Variants in SH3RF3 observed in about 807,000 individuals in gnomAD.
SH3RF3 encodes the protein SH3 domain containing ring finger 3, also known as E3 ubiquitin-protein ligase SH3RF3.
SH3RF3 carries 29 observed loss-of-function variants against 66.3 expected under a neutral mutation model. The ratio of observed to expected loss-of-function variants is 0.44; its 90% CI spans 0.33 to 0.60. SH3RF3 has a LOEUF of 0.60. SH3RF3 is among the 20% of genes least tolerant of loss of function. The pLI is 0.04. For synonymous variants in SH3RF3, 583 were observed against 532.0 expected, an observed-to-expected ratio of 1.10 and a Z score of -1.32; for missense variants, 1,194 against 1,190.9, an observed-to-expected ratio of 1.00 and a Z score of -0.04.
At position 109,402,397 on chromosome 2, in the gene SH3RF3, C is replaced by T. The variant is rs572344206; in HGVS notation, c.1299+3454C>T. Among the ~76,000 whole-genome samples the T allele has an allele frequency of 5.3e-4, 81 of 152,372 alleles. 1 individual carries two copies. In the South Asian group the frequency reaches 0.016, roughly 30 times the overall value. ...ATTCTGTGGTCAGTGGGTGGCACTT[C>T]GGCTTTGATCATCGGCTTGGAGAAA... On this transcript the variant is annotated intron_variant, in intron 4 of 9. Transcript: ENST00000309415.
Position 109,357,778 on chromosome 2 carries a change from C to T in SH3RF3, c.849+9829C>T, listed in dbSNP as rs188234294. ...AAAATAGGTGTTATATTTTTAGAGC[C>T]GTTGTAAGTTCACAGCAAAATTGAG... On this transcript the variant is annotated intron_variant, in intron 2 of 9. Coordinates refer to ENST00000309415, the MANE Select transcript of SH3RF3 (RefSeq NM_001099289.3). 1.5e-3 allele frequency among the ~76,000 whole-genome samples: 233 copies of T among 152,192 alleles called. 3 individuals carry two copies. Among genetic ancestry groups the T allele is most frequent in the African/African-American group, 5.4e-3 (225 of 41,500 alleles).
intron 1 of SH3RF3, among the ~76,000 whole-genome samples, chr2:109,157,278 G>T (rs529607573): frequency 6.6e-6 from 1 of 152,174 alleles, no homozygotes; most frequent in Non-Finnish European, 1.5e-5. Context: ...CAGAGAGCCC[G>T]CATTCCTGTC....
rs150870912 is a variant in SH3RF3 at position 109,501,715 on chromosome 2, C to T, written c.*44C>T. On this transcript the variant is annotated 3_prime_UTR_variant, in exon 10 of 10. Coordinates refer to ENST00000309415, the MANE Select transcript of SH3RF3 (RefSeq NM_001099289.3). ...CCCAGCTCACAGAGGGGGAGGCCGC[C>T]TGGGAAGCTCCACGGCACACAGAGA... 1,186 of 717,252 alleles carry T rather than the reference C, an allele frequency of 1.7e-3. 13 individuals are homozygous for T. The African/African-American group carries it at 0.018, about 11-fold the overall frequency. The allele number at this position is 717,252 out of a possible 1,614,324, so 44.4% of individuals were successfully genotyped here.
rs367691678 is a variant in SH3RF3 at position 109,371,551 on chromosome 2, G to A, written c.850-35G>A. The A allele has an allele frequency of 1.6e-4, 254 of 1,576,520 alleles. No individual in the cohort carries two copies. In the African/African-American group the frequency reaches 2.0e-3, roughly 12 times the overall value. On this transcript the variant is annotated intron_variant, in intron 2 of 9. Transcript: ENST00000309415. ...TTCCTTTTTCATTGTGTGTGTGTCC[G>A]TATGCTTGTGTCCACGGTGGACCCG...
intron 1 of SH3RF3, among the ~76,000 whole-genome samples, chr2:109,340,614 G>A (rs1009863701): frequency 1.3e-4 from 20 of 152,246 alleles, no homozygotes; most frequent in East Asian, 1.9e-4. Flanking sequence ...TCCTGGCCCC[G>A]GCACCCAGGG....
intron 1 of SH3RF3, among the ~76,000 whole-genome samples, chr2:109,189,863 A>G (rs1346021540): frequency 1.3e-5 from 2 of 152,196 alleles, no homozygotes; most frequent in African/African-American, 2.4e-5. Context: ...GTTTAAGCAC[A>G]TCCAGTGGTT....
intron 3 of SH3RF3, among the ~76,000 whole-genome samples, chr2:109,379,796 A>C (rs775153407): frequency 2.6e-5 from 4 of 152,068 alleles, no homozygotes; most frequent in Non-Finnish European, 4.4e-5. Flanking sequence ...GGTCATTGCC[A>C]AGAACACTGG....
intron 8 of SH3RF3, among the ~76,000 whole-genome samples, chr2:109,460,797 A>G (rs909566714): frequency 1.3e-5 from 2 of 152,238 alleles, no homozygotes; most frequent in African/African-American, 4.8e-5. Context: ...ATCATTAAAC[A>G]ATCACACTTC....
chr2:109,236,892 A>G (rs1264974426), intron 1 of SH3RF3, among the ~76,000 whole-genome samples: 1 of 152,202 alleles, frequency 6.6e-6, no homozygotes, highest in Non-Finnish European at 1.5e-5. Flanking sequence ...CTTACAGCTC[A>G]GGGGACAAGG....
chr2:109,149,121 C>T (rs1427395648), intron 1 of SH3RF3, among the ~76,000 whole-genome samples: 4 of 152,100 alleles, frequency 2.6e-5, no homozygotes, highest in Non-Finnish European at 4.4e-5. Flanking sequence ...TGGGAAGGAG[C>T]AGGGAGCCAA....
At chr2:109,199,632 T>TCAACGCGAGTGCAGG (rs1458718729) in intron 1 of SH3RF3, among the ~76,000 whole-genome samples, 1 of 68 alleles carries the variant, frequency 0.015, no homozygotes, top group African/African-American at 0.045. Context: ...TGGAATGGAA[T>TCAACGCGAGTGCAGG]GGAATGGAAT....
At chr2:109,499,762 T>C (rs1047694857) in intron 9 of SH3RF3, among the ~76,000 whole-genome samples, 7 of 151,648 alleles carry the variant, frequency 4.6e-5, no homozygotes, top group Admixed American at 4.6e-4. Context: ...AGCAGGGGGG[T>C]GTGTGTGTAT....
intron 2 of SH3RF3, among the ~76,000 whole-genome samples, chr2:109,355,502 G>C (rs1682929870): frequency 6.6e-6 from 1 of 152,194 alleles, no homozygotes; most frequent in Non-Finnish European, 1.5e-5. Flanking sequence ...CTACAATGGA[G>C]GGTTGAGTAA....
At chr2:109,188,161 G>A (rs1574493594) in intron 1 of SH3RF3, among the ~76,000 whole-genome samples, 1 of 152,230 alleles carries the variant, frequency 6.6e-6, no homozygotes, top group Admixed American at 6.5e-5. Flanking sequence ...GCAGTGTATT[G>A]ACTTCCCAAG....
intron 1 of SH3RF3, among the ~76,000 whole-genome samples, chr2:109,334,650 CACTT>C (rs1682366496): frequency 6.6e-6 from 1 of 152,288 alleles, no homozygotes; most frequent in African/African-American, 2.4e-5. Flanking sequence ...CAGGAAGTCA[CACTT>C]AATAATGCAG....
Position 109,504,187 on chromosome 2 carries a change from T to G in SH3RF3, c.*2516T>G, listed in dbSNP as rs1324933804. On this transcript the variant is annotated 3_prime_UTR_variant, in exon 10 of 10. Transcript: ENST00000309415. ...TCTTGCCTCAAAGGGTACACATGTT[T>G]GGCGGTTAAGATGAAACTAACCCTT... The G allele has an allele frequency of 6.6e-6, 1 of 152,250 alleles. No individual in the cohort carries two copies. The highest frequency in any genetic ancestry group is 1.5e-5 in the Non-Finnish European group (1 of 68,038). The allele number at this position is 152,250 out of a possible 1,614,324, so 9.4% of individuals were successfully genotyped here. A position where few individuals can be genotyped will look rare whatever the true frequency, so the allele number is the denominator to read the frequency against.
intron 3 of SH3RF3, among the ~76,000 whole-genome samples, chr2:109,379,548 GAA>G (rs1289746012): frequency 6.6e-6 from 1 of 152,234 alleles, no homozygotes; most frequent in East Asian, 1.9e-4. Flanking sequence ...AAGTATGAAG[GAA>G]AAATACTCAG....
chr2:109,449,691 G>C (rs1189741694), intron 8 of SH3RF3, among the ~76,000 whole-genome samples: 5 of 152,314 alleles, frequency 3.3e-5, no homozygotes, highest in East Asian at 3.9e-4. Context: ...GCAGGCCTTG[G>C]GTGCTGGCAG....
chr2:109,379,238 T>C (rs1683457103), intron 3 of SH3RF3, among the ~76,000 whole-genome samples: 1 of 152,204 alleles, frequency 6.6e-6, no homozygotes, highest in African/African-American at 2.4e-5. Context: ...AGTGATGCTT[T>C]AGGAATTTTG....
Sources: gnomAD v4.1 joint callset for allele counts (sites outside exome capture counted in the v4.1 genomes callset) on GRCh38, gnomAD v4.1.1 for gene constraint, MANE v1.5 for transcripts, NCBI Gene and HGNC (gene_info 2026-07-23, HGNC 2026-07-21) for gene names.